Variants in WDR4 observed in about 807,000 individuals in gnomAD.
The protein encoded by WDR4 is WDR4 tRNA N7-guanosine methyltransferase non-catalytic subunit, also known as tRNA (guanine-N(7)-)-methyltransferase non-catalytic subunit WDR4.
A neutral mutation model predicts 48.6 loss-of-function variants in WDR4; 47 were observed. That is an observed-to-expected ratio of 0.97 (90% CI 0.77 to 1.23). The LOEUF (loss-of-function observed/expected upper bound fraction) is 1.23. Ranked by LOEUF, WDR4 falls within the 50% of genes most tolerant of loss-of-function variation. The pLI, the probability that WDR4 is intolerant of heterozygous loss-of-function variation, is 0.00. For synonymous variants in WDR4, 268 were observed against 230.0 expected (o/e 1.17, Z -1.49); for missense variants, 606 against 551.6 (o/e 1.10, Z -0.99).
rs369083659 is a variant in WDR4, at chr21:42,869,647, A to G, written c.296+3904T>C. Reference sequence around the variant, plus strand: ...GCTCCTACAAATAAACAACACCCCAATGGAAAAACATAGGATATGGAAAAA... The same window carrying G: ...GCTCCTACAAATAAACAACACCCCAGTGGAAAAACATAGGATATGGAAAAA... On this transcript the variant is annotated intron_variant, in intron 3 of 10. Coordinates refer to ENST00000398208, the MANE Select transcript of WDR4 (RefSeq NM_018669.6). Among the ~76,000 whole-genome samples, 14 of 152,076 alleles carry G rather than the reference A, an allele frequency of 9.2e-5. No individual in the cohort carries two copies. The South Asian group carries it at 2.1e-3, about 23-fold the overall frequency.
upstream of WDR4, chr21:42,883,728 C>T (rs1601200936): frequency 6.5e-6 from 1 of 153,594 alleles, no homozygotes; most frequent in African/African-American, 2.4e-5. Flanking sequence ...AAGAATTCTC[C>T]CCTAGACCTT....
chr21:42,875,270 G>A (rs1352467513), intron 2 of WDR4, among the ~76,000 whole-genome samples: 1 of 152,102 alleles, frequency 6.6e-6, no homozygotes. Context: ...AAATTAGGCA[G>A]CCCTGGCGCG....
intron 7 of WDR4, 93 bp from the exon 8 acceptor site, chr21:42,854,719 C>A: frequency 8.7e-7 from 1 of 1,154,242 alleles, no homozygotes; most frequent in South Asian, 1.5e-5. Context: ...GAAGGACGCT[C>A]ACGCCCCCAC....
intron 3 of WDR4, among the ~76,000 whole-genome samples, chr21:42,864,718 C>T (rs1428633251): frequency 2.6e-5 from 4 of 152,328 alleles, no homozygotes; most frequent in East Asian, 1.9e-4. Context: ...CCCTCTCCTT[C>T]GCCAGGGCTC....
chr21:42,864,813 G>A (rs1448349182), intron 3 of WDR4, among the ~76,000 whole-genome samples: 1 of 152,126 alleles, frequency 6.6e-6, no homozygotes, highest in Non-Finnish European at 1.5e-5. Flanking sequence ...CACAAGGCAG[G>A]GACCCATATG....
At chr21:42,885,976 T>TTTGG in the WDR4 span, among the ~76,000 whole-genome samples, 1 of 150,488 alleles carries the variant, frequency 6.6e-6, no homozygotes, top group Non-Finnish European at 1.5e-5. Context: ...TTTTTTTTTT[T>TTTGG]GAGACAGTCT....
intron 1 of WDR4, among the ~76,000 whole-genome samples, chr21:42,878,724 C>G (rs1340679121): frequency 6.6e-6 from 1 of 152,166 alleles, no homozygotes; most frequent in African/African-American, 2.4e-5. Context: ...CTGCGTCGTC[C>G]TAGCACTGGC....
the WDR4 span, among the ~76,000 whole-genome samples, chr21:42,891,249 G>A: frequency 1.3e-5 from 2 of 151,712 alleles, no homozygotes; most frequent in Admixed American, 6.6e-5. Flanking sequence ...TTGAACCCAG[G>A]AGGCGGAGGT....
rs753861419 is a variant in WDR4 at position 42,853,701 on chromosome 21, C to A, written c.843G>T (p.Val281=). Residue 281 remains valine, a synonymous_variant, in exon 9 of 11, where the codon GTG becomes GTT. Transcript: ENST00000398208. ...GCTGGAACGCCAGCTGCTGCCTGTA[C>A]ACCAACTGCTGTCTGCGGGCGTCCA... is the stretch of plus-strand genomic sequence containing the variant. ...FQLDARRQQL[V]YRQQLAFQHQ... 1 of 1,574,596 alleles carries A rather than the reference C, an allele frequency of 6.4e-7. No individual in the cohort carries two copies. The highest frequency in any genetic ancestry group is 8.6e-7 in the Non-Finnish European group (1 of 1,160,234).
intron 10 of WDR4, among the ~76,000 whole-genome samples, chr21:42,851,923 G>A (rs894047139): frequency 6.6e-6 from 1 of 152,234 alleles, no homozygotes; most frequent in Non-Finnish European, 1.5e-5. Flanking sequence ...GACCAGGCAT[G>A]AGGCAGCACA....
the WDR4 span, among the ~76,000 whole-genome samples, chr21:42,890,711 A>C: frequency 6.6e-6 from 1 of 152,224 alleles, no homozygotes; most frequent in Non-Finnish European, 1.5e-5. Flanking sequence ...GATGGTGCCC[A>C]CAGAAAGACT....
chr21:42,884,718 C>T, the WDR4 span, among the ~76,000 whole-genome samples: 3 of 152,118 alleles, frequency 2.0e-5, no homozygotes, highest in South Asian at 6.2e-4. Context: ...TATAGTCCCA[C>T]CAGCACTACA....
At chr21:42,845,532 A>G (rs987958912), downstream of WDR4, among the ~76,000 whole-genome samples, 1 of 152,180 alleles carries the variant, frequency 6.6e-6, no homozygotes, top group East Asian at 1.9e-4. Flanking sequence ...AAGTGATCTA[A>G]GACGGGTAAG....
At position 42,843,438 on chromosome 21, in the gene WDR4, C is replaced by T. The variant is rs564006919; in HGVS notation, c.*9-157G>A. Reference sequence around the variant, plus strand: ...TTTTTTTTTTTTTTTTTTTTGAGACCGTCACTCTGTCACCCAGGCTGGAAT... The same window carrying T: ...TTTTTTTTTTTTTTTTTTTTGAGACTGTCACTCTGTCACCCAGGCTGGAAT... On this transcript the variant is annotated intron_variant, in intron 11 of 11. Transcript: ENST00000330317. 9.6e-5 allele frequency among the ~76,000 whole-genome samples: 12 copies of T among 125,512 alleles called. No individual in the cohort carries two copies. In the South Asian group the frequency reaches 2.4e-3, roughly 25 times the overall value. 82.3% of individuals were successfully genotyped at this position (125,512 alleles called of 152,430 possible).
downstream of WDR4, among the ~76,000 whole-genome samples, chr21:42,848,227 C>T (rs1363325833): frequency 6.6e-6 from 1 of 152,194 alleles, no homozygotes; most frequent in South Asian, 2.1e-4. Flanking sequence ...CAGGTAGGAG[C>T]CGGCCTGAAC....
chr21:42,850,281 G>A (rs2057790644), intron 10 of WDR4, 39 bp from the exon 11 acceptor site: 1 of 1,545,814 alleles, frequency 6.5e-7, no homozygotes, highest in Non-Finnish European at 8.7e-7. Context: ...AGGTGGGGCA[G>A]GAACATGGGA....
chr21:42,866,765 AG>A (rs1452545533), intron 3 of WDR4, among the ~76,000 whole-genome samples: 3 of 152,224 alleles, frequency 2.0e-5, no homozygotes, highest in Non-Finnish European at 2.9e-5. Context: ...TCTCACTGAG[AG>A]AAAGGGTAAC....
chr21:42,854,373 G>A (rs1158130917), intron 8 of WDR4, among the ~76,000 whole-genome samples, 189 bp downstream of exon 8: 2 of 152,216 alleles, frequency 1.3e-5, no homozygotes, highest in African/African-American at 4.8e-5. Context: ...AAGAGCGCTG[G>A]CTGAGAGGAG....
chr21:42,882,007 G>GC (rs1168749287), upstream of WDR4, among the ~76,000 whole-genome samples: 1 of 151,792 alleles, frequency 6.6e-6, no homozygotes. Flanking sequence ...CACCATGTTG[G>GC]CCAGGCTGGT....
Sources: allele counts gnomAD v4.1 joint callset (sites outside exome capture counted in the v4.1 genomes callset), GRCh38; gene constraint gnomAD v4.1.1; transcripts MANE v1.5; gene names NCBI Gene and HGNC (gene_info 2026-07-23, HGNC 2026-07-21).